The following VRK1 variants were observed in gnomAD, a reference collection of about 807,000 sequenced individuals.
The protein encoded by VRK1 is VRK serine/threonine kinase 1.
A neutral mutation model predicts 57.1 loss-of-function variants in VRK1; 33 were observed. The ratio of observed to expected loss-of-function variants is 0.58; its 90% confidence interval spans 0.44 to 0.77. The LOEUF is 0.77. Ranked by LOEUF, VRK1 falls within the 30% of genes least tolerant of loss-of-function variation. The pLI, the probability that VRK1 is intolerant of heterozygous loss-of-function variation, is 0.00. For synonymous variants in VRK1, 137 were observed against 147.8 expected (o/e 0.93, Z 0.53); for missense variants, 413 against 477.3 (o/e 0.87, Z 1.25).
intron 1 of VRK1, among the ~76,000 whole-genome samples, chr14:96,812,764 A>G (rs1000428828): frequency 6.6e-6 from 1 of 152,212 alleles, no homozygotes; most frequent in Non-Finnish European, 1.5e-5. Context: ...AACAGGTTCC[A>G]TTAGCAACAT....
intron 11 of VRK1, among the ~76,000 whole-genome samples, chr14:96,875,655 T>C (rs1355152946): frequency 6.6e-6 from 1 of 152,220 alleles, no homozygotes; most frequent in East Asian, 1.9e-4. Flanking sequence ...GAGAGTATCA[T>C]TGGCCTGAGT....
At chr14:96,828,069 G>A (rs777715956) in intron 1 of VRK1, among the ~76,000 whole-genome samples, 55 of 152,268 alleles carry the variant, frequency 3.6e-4, no homozygotes, top group Non-Finnish European at 6.9e-4. Flanking sequence ...CATGTAAATG[G>A]AATATAGTAT....
At chr14:96,805,654 A>G (rs1040010215) in intron 1 of VRK1, among the ~76,000 whole-genome samples, 1 of 152,250 alleles carries the variant, frequency 6.6e-6, no homozygotes, top group African/African-American at 2.4e-5. Context: ...ATAGTGTCGA[A>G]CTACTAGAAA....
chr14:96,853,710 G>A (rs1888039595), intron 7 of VRK1, among the ~76,000 whole-genome samples: 1 of 152,096 alleles, frequency 6.6e-6, no homozygotes, highest in Middle Eastern at 3.4e-3. Context: ...AAGGAGAAAA[G>A]CTAATGTTAT....
At chr14:96,875,677 G>A (rs1888999369) in intron 11 of VRK1, among the ~76,000 whole-genome samples, 1 of 152,174 alleles carries the variant, frequency 6.6e-6, no homozygotes, top group Non-Finnish European at 1.5e-5. Flanking sequence ...GTGATCGTGA[G>A]TTTGTAAAAC....
intron 4 of VRK1, among the ~76,000 whole-genome samples, chr14:96,846,746 A>G (rs1375390491): frequency 6.6e-6 from 1 of 151,890 alleles, no homozygotes; most frequent in African/African-American, 2.4e-5. Flanking sequence ...AAAAATAACA[A>G]TTCAATAATA....
chr14:96,876,344 G>A (rs1279063730), intron 12 of VRK1, among the ~76,000 whole-genome samples: 1 of 152,140 alleles, frequency 6.6e-6, no homozygotes, highest in Non-Finnish European at 1.5e-5. Context: ...TCATTTTGCA[G>A]ATTTGGAACC....
rs555020075 is a variant in VRK1 at position 96,839,084 on chromosome 14, GTT to G, written c.216+1285_216+1286del. Among the ~76,000 whole-genome samples the G allele has an allele frequency of 8.0e-5, 9 of 112,374 alleles. No individual in the cohort carries two copies. In the East Asian group the frequency reaches 8.6e-4, roughly 11 times the overall value. 73.7% of individuals were successfully genotyped at this position (112,374 alleles called of 152,430 possible). A position where few individuals can be genotyped will look rare whatever the true frequency, so the allele number is the denominator to read the frequency against. ...CCTTGGAGGCAACCACTTGTCTTGA[GTT>G]TTTTTTTTTTTTTTTTTGCCGTGAA... On this transcript the variant is annotated intron_variant, in intron 3 of 12. Transcript: ENST00000216639.
rs1381525858 is a variant in VRK1, at chr14:96,803,335, A to C, written c.-6+5888A>C. Among the ~76,000 whole-genome samples, 3 of 151,892 alleles carry C rather than the reference A, an allele frequency of 2.0e-5. No homozygotes were observed. The East Asian group carries it at 5.8e-4, about 29-fold the overall frequency. ...ACAGGCGCCTGCTGCCACGCACCGC[A>C]AATTTTTGCATTTTAAGTAGAGACA... On this transcript the variant is annotated intron_variant, in intron 1 of 12. Transcript: ENST00000216639.
At chr14:96,837,717 T>C in intron 2 of VRK1, 45 bp from the exon 3 acceptor site, 1 of 1,240,284 alleles carries the variant, frequency 8.1e-7, no homozygotes, top group Non-Finnish European at 1.1e-6. Flanking sequence ...AATATATTTA[T>C]AATATTACTT....
chr14:96,855,182 T>G (rs974766395), intron 7 of VRK1, 42 bp from the exon 8 acceptor site: 8 of 1,613,596 alleles, frequency 5.0e-6, no homozygotes, highest in Non-Finnish European at 6.8e-6. Flanking sequence ...ATATGTGCAG[T>G]GATTTTGACT....
At chr14:96,841,694 G>A (rs569045554) in intron 3 of VRK1, among the ~76,000 whole-genome samples, 76 of 152,112 alleles carry the variant, frequency 5.0e-4, no homozygotes, top group African/African-American at 1.5e-3. Context: ...CCCTAGCCAG[G>A]TGTGGTGGTG....
chr14:96,822,756 A>C (rs115401669), intron 1 of VRK1, among the ~76,000 whole-genome samples: 1 of 152,180 alleles, frequency 6.6e-6, no homozygotes, highest in Non-Finnish European at 1.5e-5. Flanking sequence ...GTGAACTACA[A>C]TGCAAGTATA....
intron 1 of VRK1, among the ~76,000 whole-genome samples, chr14:96,804,865 CT>C (rs1885807516): frequency 6.6e-6 from 1 of 152,208 alleles, no homozygotes; most frequent in Non-Finnish European, 1.5e-5. Flanking sequence ...AGATTTCAAA[CT>C]TTTGCTGCTG....
intron 1 of VRK1, among the ~76,000 whole-genome samples, chr14:96,824,665 AT>A (rs55945612): frequency 0.097 from 13,587 of 139,462 alleles, 764 homozygotes; most frequent in African/African-American, 0.17. Context: ...AAAAACATTA[AT>A]TTTTTTTTTT....
At chr14:96,807,888 C>T (rs1385376939) in intron 1 of VRK1, among the ~76,000 whole-genome samples, 2 of 152,126 alleles carry the variant, frequency 1.3e-5, no homozygotes, top group Admixed American at 1.3e-4. Context: ...ATGCTATGCA[C>T]TGAGATTGGA....
intron 1 of VRK1, among the ~76,000 whole-genome samples, chr14:96,823,462 A>G (rs1007250258): frequency 3.3e-5 from 5 of 152,232 alleles, no homozygotes; most frequent in Non-Finnish European, 7.3e-5. Context: ...CTATAAGAAT[A>G]ACCTCTGAAA....
Position 96,855,716 on chromosome 14 carries a change from T to A in VRK1, c.709+360T>A, listed in dbSNP as rs560903928. Among the ~76,000 whole-genome samples the A allele has an allele frequency of 2.0e-5, 3 of 152,340 alleles. No homozygotes were observed. The East Asian group carries it at 5.8e-4, about 29-fold the overall frequency. ...TTGTAACAGCTAACTTTTATTTTGT[T>A]ACCTGTTAAGTTAGTTTATTTCTTC... On this transcript the variant is annotated intron_variant, in intron 8 of 12. Coordinates refer to ENST00000216639, the MANE Select transcript of VRK1 (RefSeq NM_003384.3).
At chr14:96,803,746 T>TG (rs1203002934) in intron 1 of VRK1, among the ~76,000 whole-genome samples, 4 of 152,200 alleles carry the variant, frequency 2.6e-5, no homozygotes, top group African/African-American at 9.7e-5. Flanking sequence ...TGATATTTTT[T>TG]GTGCGTACTG....
Sources: gnomAD v4.1 joint callset for allele counts (sites outside exome capture counted in the v4.1 genomes callset) on GRCh38, gnomAD v4.1.1 for gene constraint, MANE v1.5 for transcripts, NCBI Gene and HGNC (gene_info 2026-07-23, HGNC 2026-07-21) for gene names.